ENTREP2: variants seen among roughly 807,000 people sequenced by gnomAD.
ENTREP2 encodes protein ENTREP2.
At chr15:29,489,735 T>A in the ENTREP2 span, among the ~76,000 whole-genome samples, 2 of 152,250 alleles carry the variant, frequency 1.3e-5, no homozygotes, top group East Asian at 1.9e-4. Flanking sequence ...TTAACAGCAC[T>A]CTAGGTGAAC....
chr15:29,163,377 G>A, the ENTREP2 span, among the ~76,000 whole-genome samples: 1 of 152,198 alleles, frequency 6.6e-6, no homozygotes, highest in South Asian at 2.1e-4. Context: ...GGAGGCACCA[G>A]AGAAAGGTGA....
chr15:29,515,650 C>G, the ENTREP2 span, among the ~76,000 whole-genome samples: 1 of 152,308 alleles, frequency 6.6e-6, no homozygotes, highest in Admixed American at 6.5e-5. Flanking sequence ...CCAGCGAGTC[C>G]TGTGTTGGAG....
the ENTREP2 span, among the ~76,000 whole-genome samples, chr15:29,435,665 T>C: frequency 6.6e-6 from 1 of 151,938 alleles, no homozygotes; most frequent in Non-Finnish European, 1.5e-5. Context: ...TGCATATATA[T>C]ATACACATAT....
chr15:29,483,091 T>G, the ENTREP2 span, among the ~76,000 whole-genome samples: 1 of 152,248 alleles, frequency 6.6e-6, no homozygotes, highest in East Asian at 1.9e-4. Flanking sequence ...CCTAATGATA[T>G]ATGATGTTGA....
chr15:29,254,161 C>A, the ENTREP2 span, among the ~76,000 whole-genome samples: 248 of 61,276 alleles, frequency 4.0e-3, 4 homozygotes, highest in South Asian at 0.042. Flanking sequence ...TGTTAAAGAG[C>A]AAAAAAAAAA....
the ENTREP2 span, among the ~76,000 whole-genome samples, chr15:29,639,187 C>A: frequency 1.3e-5 from 2 of 152,132 alleles, no homozygotes; most frequent in East Asian, 3.9e-4. Flanking sequence ...TAAATTTCTG[C>A]CTATTCCATT....
the ENTREP2 span, chr15:29,570,657 G>T: frequency 4.5e-6 from 6 of 1,329,812 alleles, no homozygotes; most frequent in Non-Finnish European, 5.8e-6. Flanking sequence ...GGGCACTCGC[G>T]CAGGCGGGAC....
At chr15:29,178,174 G>C in the ENTREP2 span, among the ~76,000 whole-genome samples, 8 of 151,500 alleles carry the variant, frequency 5.3e-5, no homozygotes, top group Non-Finnish European at 4.4e-5. Flanking sequence ...CGTGTCTATG[G>C]TCCCAGCTAC....
At chr15:29,184,746 C>T in the ENTREP2 span, among the ~76,000 whole-genome samples, 1 of 152,190 alleles carries the variant, frequency 6.6e-6, no homozygotes, top group Non-Finnish European at 1.5e-5. Flanking sequence ...GGTTTTATGT[C>T]TCCCATGGAT....
chr15:29,358,784 G>A, the ENTREP2 span, among the ~76,000 whole-genome samples: 12 of 151,510 alleles, frequency 7.9e-5, no homozygotes, highest in African/African-American at 2.2e-4. Flanking sequence ...CCGAAGAAAC[G>A]TGTAAAAACA....
chr15:29,445,192 C>A, the ENTREP2 span, among the ~76,000 whole-genome samples: 2 of 152,128 alleles, frequency 1.3e-5, no homozygotes, highest in East Asian at 3.9e-4. Flanking sequence ...GGAATTAGTG[C>A]GAGATACTGG....
the ENTREP2 span, among the ~76,000 whole-genome samples, chr15:29,591,295 C>G: frequency 6.6e-6 from 1 of 152,158 alleles, no homozygotes; most frequent in Non-Finnish European, 1.5e-5. Context: ...ACTTATTTCC[C>G]GTCTTCATGC....
the ENTREP2 span, among the ~76,000 whole-genome samples, chr15:29,672,811 A>G: frequency 6.6e-6 from 1 of 152,060 alleles, no homozygotes; most frequent in African/African-American, 2.4e-5. Context: ...TGGGTAGAAG[A>G]TAAAATTGTT....
chr15:29,541,164 T>C, the ENTREP2 span, among the ~76,000 whole-genome samples: 1 of 152,238 alleles, frequency 6.6e-6, no homozygotes, highest in Non-Finnish European at 1.5e-5. Flanking sequence ...TTGGACATAA[T>C]GTGGATGGTT....
At chr15:29,641,108 G>A in the ENTREP2 span, among the ~76,000 whole-genome samples, 1 of 152,092 alleles carries the variant, frequency 6.6e-6, no homozygotes, top group African/African-American at 2.4e-5. Flanking sequence ...AAAGCACTTG[G>A]TAAAATTTAA....
the ENTREP2 span, chr15:29,235,254 G>T: frequency 2.0e-6 from 1 of 503,454 alleles, no homozygotes; most frequent in Non-Finnish European, 3.6e-6. Flanking sequence ...AATAAGGAAA[G>T]CTTCTGTTTT....
the ENTREP2 span, among the ~76,000 whole-genome samples, chr15:29,344,926 GCGCAGA>G: frequency 7.8e-6 from 1 of 127,560 alleles, no homozygotes; most frequent in African/African-American, 3.6e-5. Context: ...ACACGCACGC[GCGCAGA>G]CACACACACA....
At chr15:29,619,279 C>T in the ENTREP2 span, among the ~76,000 whole-genome samples, 7 of 152,166 alleles carry the variant, frequency 4.6e-5, no homozygotes, top group African/African-American at 1.7e-4. Flanking sequence ...GTAATCCCAG[C>T]TACTTGGGAG....
chr15:29,669,690 A>G, the ENTREP2 span, among the ~76,000 whole-genome samples: 7 of 152,192 alleles, frequency 4.6e-5, no homozygotes, highest in African/African-American at 1.7e-4. Context: ...CACCCCATTC[A>G]TTGGATGCAG....
Sources: gnomAD v4.1 joint callset for allele counts (sites outside exome capture counted in the v4.1 genomes callset) on GRCh38, gnomAD v4.1.1 for gene constraint, MANE v1.5 for transcripts, NCBI Gene and HGNC (gene_info 2026-07-23, HGNC 2026-07-21) for gene names.